Variants in PALD1 observed in about 807,000 individuals in gnomAD.
The protein encoded by PALD1 is phosphatase domain containing paladin 1, also known as paladin.
PALD1 carries 57 observed loss-of-function variants against 96.0 expected under a neutral mutation model. The observed-to-expected ratio is 0.59, with a 90% CI of 0.48 to 0.74. The LOEUF (loss-of-function observed/expected upper bound fraction) is 0.74. Ranked by LOEUF, PALD1 falls within the 30% of genes least tolerant of loss-of-function variation. The pLI, the probability that PALD1 is intolerant of heterozygous loss-of-function variation, is 0.00. For missense variants in PALD1, 1,063 were observed against 1,143.7 expected (o/e 0.93, Z 1.02); for synonymous variants, 464 against 473.6 (o/e 0.98, Z 0.26).
intron 1 of PALD1, among the ~76,000 whole-genome samples, chr10:70,502,133 C>G (rs569332671): frequency 8.7e-5 from 13 of 150,132 alleles, no homozygotes; most frequent in Non-Finnish European, 1.9e-4. Flanking sequence ...ACCCTCATCT[C>G]TACAAAAAAT....
chr10:70,552,463 AT>A (rs1325532611), intron 18 of PALD1, among the ~76,000 whole-genome samples: 1 of 152,118 alleles, frequency 6.6e-6, no homozygotes, highest in Non-Finnish European at 1.5e-5. Flanking sequence ...AGGAACTTAT[AT>A]TTTTAAGTAT....
At chr10:70,485,945 C>T in intron 1 of PALD1, 1 of 177,432 alleles carries the variant, frequency 5.6e-6, no homozygotes. Flanking sequence ...TGTGGCTGTG[C>T]AGATGTTTTC....
At chr10:70,547,491 TC>T in intron 18 of PALD1, 45 bp downstream of exon 18, 1 of 1,226,664 alleles carries the variant, frequency 8.2e-7, no homozygotes, top group Non-Finnish European at 1.1e-6. Flanking sequence ...CAGCCACCCT[TC>T]CAGGTGTGCA....
intron 11 of PALD1, 56 bp from the exon 12 acceptor site, chr10:70,538,224 G>A: frequency 6.3e-7 from 1 of 1,583,276 alleles, no homozygotes; most frequent in Middle Eastern, 2.1e-4. Flanking sequence ...TGGGCAGGGA[G>A]GGTTCAGGAT....
Position 70,541,479 on chromosome 10 carries a change from G to A in PALD1, c.2066G>A (p.Gly689Asp). The change falls in exon 17 of 20, where the codon GGT becomes GAT. Residue 689 changes from glycine to aspartate, a missense_variant. Coordinates refer to ENST00000263563, the MANE Select transcript of PALD1 (RefSeq NM_014431.3). ...TTCCCTCAGGGCTTCCCCGAGGTGG[G>A]TGAGGAGGAGCTCGTGAGTGTGCCT... Reference protein sequence around the residue: ...FWHIQGFPEVGEEELVSVPDA... With the variant: ...FWHIQGFPEVDEEELVSVPDA... 8.7e-6 allele frequency: 14 copies of A among 1,613,940 alleles called. No individual in the cohort carries two copies. The highest frequency in any genetic ancestry group is 1.3e-5 in the African/African-American group (1 of 75,040).
intron 1 of PALD1, among the ~76,000 whole-genome samples, chr10:70,505,184 C>T (rs560537789): frequency 3.3e-5 from 5 of 152,366 alleles, no homozygotes; most frequent in East Asian, 3.9e-4. Context: ...GGGTGACACA[C>T]GCTTTCCAAA....
intron 1 of PALD1, among the ~76,000 whole-genome samples, chr10:70,521,371 C>G (rs1395907665): frequency 6.6e-6 from 1 of 152,096 alleles, no homozygotes; most frequent in Non-Finnish European, 1.5e-5. Context: ...CACAATGAGG[C>G]CTCATCCTTA....
rs559049016 is a variant in PALD1 at position 70,520,836 on chromosome 10, C to T, written c.-29-5087C>T. Reference sequence around the variant, plus strand: ...CCTCCCAAGTAGCTGGGATTACAGGCGCCTGCCAGCACACCCGGCTAATTT... The same window carrying T: ...CCTCCCAAGTAGCTGGGATTACAGGTGCCTGCCAGCACACCCGGCTAATTT... On this transcript the variant is annotated intron_variant, in intron 1 of 19. Transcript: ENST00000263563. 1.4e-4 allele frequency among the ~76,000 whole-genome samples: 21 copies of T among 151,874 alleles called. No homozygotes were observed. In the South Asian group the frequency reaches 2.3e-3, roughly 17 times the overall value.
At chr10:70,529,366 T>G in intron 3 of PALD1, 35 bp downstream of exon 3, 1 of 1,012,174 alleles carries the variant, frequency 9.9e-7, no homozygotes, top group Non-Finnish European at 1.5e-6. Flanking sequence ...GCCCGCCTGC[T>G]GCCTCCCACC....
chr10:70,562,231 T>G (rs1847754758), intron 18 of PALD1, among the ~76,000 whole-genome samples: 1 of 152,200 alleles, frequency 6.6e-6, no homozygotes, highest in Non-Finnish European at 1.5e-5. Flanking sequence ...TCGCCCCTCT[T>G]GGGCACAGCC....
intron 1 of PALD1, among the ~76,000 whole-genome samples, chr10:70,497,404 C>T (rs1049093463): frequency 7.2e-5 from 11 of 152,156 alleles, no homozygotes; most frequent in East Asian, 3.9e-4. Flanking sequence ...CTCCCTGACC[C>T]GAGGTAGCGT....
intron 1 of PALD1, among the ~76,000 whole-genome samples, chr10:70,492,059 T>C (rs1846107753): frequency 6.6e-6 from 1 of 152,228 alleles, no homozygotes; most frequent in Admixed American, 6.5e-5. Flanking sequence ...GCTATGAATG[T>C]TCATGTGCAA....
At chr10:70,505,528 C>T (rs1396392726) in intron 1 of PALD1, among the ~76,000 whole-genome samples, 3 of 151,784 alleles carry the variant, frequency 2.0e-5, no homozygotes, top group African/African-American at 7.3e-5. Flanking sequence ...CGCTTCAACC[C>T]GGGAGGCGGA....
intron 6 of PALD1, 55 bp from the exon 7 acceptor site, chr10:70,532,940 A>G: frequency 6.5e-7 from 1 of 1,531,054 alleles, no homozygotes; most frequent in Non-Finnish European, 8.9e-7. Context: ...ATAGGGGGTG[A>G]GGGGGATTCC....
intron 1 of PALD1, among the ~76,000 whole-genome samples, chr10:70,510,186 G>C (rs1846484328): frequency 6.6e-6 from 1 of 152,130 alleles, no homozygotes; most frequent in South Asian, 2.1e-4. Context: ...GGGTGGGATG[G>C]AGACAGATGC....
At position 70,492,345 on chromosome 10, in the gene PALD1, C is replaced by T. The variant is rs141567258; in HGVS notation, c.-30+13286C>T. On this transcript the variant is annotated intron_variant, in intron 1 of 19. Coordinates refer to ENST00000263563, the MANE Select transcript of PALD1 (RefSeq NM_014431.3). ...AAGTCAAGGACCTCTTTACATCCTG[C>T]GATTTGTATCACTCTACCATTGTAA... 4.5e-3 allele frequency among the ~76,000 whole-genome samples: 674 copies of T among 151,156 alleles called. 4 individuals are homozygous for T. Among genetic ancestry groups the T allele is most frequent in the Middle Eastern group, 0.038 (11 of 290 alleles).
chr10:70,493,358 G>A (rs769097805), intron 1 of PALD1, among the ~76,000 whole-genome samples: 1 of 152,246 alleles, frequency 6.6e-6, no homozygotes, highest in African/African-American at 2.4e-5. Flanking sequence ...AAGGAGGTCT[G>A]TGAGCAGCCC....
chr10:70,482,194 G>T (rs546210684), intron 1 of PALD1, among the ~76,000 whole-genome samples: 19 of 152,296 alleles, frequency 1.2e-4, no homozygotes, highest in African/African-American at 4.3e-4. Flanking sequence ...GGAGGGCTTT[G>T]TCCTCAGTCG....
intron 1 of PALD1, among the ~76,000 whole-genome samples, chr10:70,489,450 T>C (rs1312707941): frequency 6.6e-6 from 1 of 152,228 alleles, no homozygotes; most frequent in Non-Finnish European, 1.5e-5. Flanking sequence ...ACATGGGTTC[T>C]GGGAGATAGG....
Sources: allele counts gnomAD v4.1 joint callset (sites outside exome capture counted in the v4.1 genomes callset), GRCh38; gene constraint gnomAD v4.1.1; transcripts MANE v1.5; gene names NCBI Gene and HGNC (gene_info 2026-07-23, HGNC 2026-07-21).